TANC1: variants seen among roughly 807,000 people sequenced by gnomAD.
TANC1 encodes protein TANC1.
Under a neutral mutation model 149.7 loss-of-function variants are expected in TANC1, and 77 were observed. That is an observed-to-expected ratio of 0.51 (90% CI 0.43 to 0.62). The LOEUF (loss-of-function observed/expected upper bound fraction) is 0.62. Ranked by LOEUF, TANC1 falls within the 20% of genes least tolerant of loss-of-function variation. TANC1 has a pLI of 0.00. For synonymous variants in TANC1, 854 were observed against 925.0 expected, an observed-to-expected ratio of 0.92 and a Z score of 1.39; for missense variants, 1,985 against 2,321.8, an observed-to-expected ratio of 0.85 and a Z score of 2.98.
At chr2:158,998,178 C>G (rs950053534) in intron 1 of TANC1, among the ~76,000 whole-genome samples, 1 of 151,376 alleles carries the variant, frequency 6.6e-6, no homozygotes, top group Non-Finnish European at 1.5e-5. Flanking sequence ...GTGGGCACAT[C>G]GAGGTTCCAG....
At chr2:159,119,935 A>G (rs939911923) in intron 4 of TANC1, among the ~76,000 whole-genome samples, 2 of 152,228 alleles carry the variant, frequency 1.3e-5, no homozygotes, top group Non-Finnish European at 2.9e-5. Flanking sequence ...GAGCTCATCA[A>G]CAATGAGGTC....
chr2:159,229,215 A>G (rs1008179657), intron 26 of TANC1, among the ~76,000 whole-genome samples: 2 of 152,154 alleles, frequency 1.3e-5, no homozygotes, highest in Non-Finnish European at 2.9e-5. Flanking sequence ...GACATTAGGA[A>G]GTTCAGAGGT....
At position 159,097,431 on chromosome 2, in the gene TANC1, C is replaced by A. The variant is rs948040197; in HGVS notation, c.62-206C>A. Among the ~76,000 whole-genome samples the A allele has an allele frequency of 1.2e-4, 19 of 152,238 alleles. 1 individual carries two copies. Among genetic ancestry groups the A allele is most frequent in the South Asian group, 1.0e-3 (5 of 4,820 alleles). On this transcript the variant is annotated intron_variant, in intron 3 of 26. Coordinates refer to ENST00000263635, the MANE Select transcript of TANC1 (RefSeq NM_033394.3). Reference sequence around the variant, plus strand: ...TCAGTTAGGGTAGTGCAGAAAGGCACATGGAGCAGAGTTCACTGATGCTTG... The same window carrying A: ...TCAGTTAGGGTAGTGCAGAAAGGCAAATGGAGCAGAGTTCACTGATGCTTG...
At chr2:159,043,445 GT>G (rs1209856907) in intron 2 of TANC1, among the ~76,000 whole-genome samples, 3 of 152,082 alleles carry the variant, frequency 2.0e-5, no homozygotes, top group Non-Finnish European at 2.9e-5. Flanking sequence ...GGTATTCAAG[GT>G]ATGCTATTCT....
At chr2:159,019,552 C>G (rs2038606381) in intron 2 of TANC1, among the ~76,000 whole-genome samples, 1 of 151,852 alleles carries the variant, frequency 6.6e-6, no homozygotes, top group Non-Finnish European at 1.5e-5. Flanking sequence ...TTATCCAGAC[C>G]CCTCAGCAGT....
At chr2:159,197,391 A>C (rs1455449593) in intron 18 of TANC1, among the ~76,000 whole-genome samples, 2 of 152,208 alleles carry the variant, frequency 1.3e-5, no homozygotes, top group Non-Finnish European at 2.9e-5. Context: ...CTGTGAATTT[A>C]ATAATGTTTT....
rs560135825 is a variant in TANC1 at position 159,219,372 on chromosome 2, G to C, written c.3502+11G>C. 6.3e-7 allele frequency: 1 copy of C among 1,585,506 alleles called. No homozygotes were observed. The highest frequency in any genetic ancestry group is 1.7e-5 in the Admixed American group (1 of 57,900). Reference sequence around the variant, plus strand: ...TCCTCCTTTCAAAAGGTAGCAGCGTGATGCCCTCAAAGGTTTCTTTTGGAC... The same window carrying C: ...TCCTCCTTTCAAAAGGTAGCAGCGTCATGCCCTCAAAGGTTTCTTTTGGAC... On this transcript the variant is annotated intron_variant, in intron 21 of 26. Transcript: ENST00000263635.
intron 1 of TANC1, among the ~76,000 whole-genome samples, chr2:158,971,539 T>C (rs1482392167): frequency 6.6e-6 from 1 of 152,230 alleles, no homozygotes; most frequent in Non-Finnish European, 1.5e-5. Context: ...GTCTCTTAAA[T>C]GCATATTTCA....
At chr2:159,152,822 T>A (rs2052997806) in intron 7 of TANC1, among the ~76,000 whole-genome samples, 2 of 152,208 alleles carry the variant, frequency 1.3e-5, no homozygotes, top group South Asian at 4.1e-4. Context: ...TTCGTTTATT[T>A]CTCTTTCTCT....
chr2:159,053,654 A>AG (rs2041635018), intron 2 of TANC1, among the ~76,000 whole-genome samples: 1 of 152,254 alleles, frequency 6.6e-6, no homozygotes, highest in South Asian at 2.1e-4. Flanking sequence ...CCGTGTAACA[A>AG]GCTTTATACA....
chr2:158,983,541 T>C (rs937121323), intron 1 of TANC1, among the ~76,000 whole-genome samples: 19 of 150,998 alleles, frequency 1.3e-4, no homozygotes, highest in Non-Finnish European at 2.1e-4. Context: ...AAAATATTGC[T>C]AACAAACTCT....
chr2:159,230,769 A>G lies in TANC1; in HGVS notation c.5343A>G (p.Gln1781=). ...SLMQVGGYNN[Q]AKTCSVSTLS... is the part of the protein sequence containing the mutation. ...TGCAAGTGGGAGGATATAATAACCA[A>G]GCCAAAACCTGTTCTGTTTCTACCC... The change falls in exon 27 of 27, where the codon CAA becomes CAG. Residue 1781 remains glutamine (Q), a synonymous_variant. Coordinates refer to ENST00000263635, the MANE Select transcript of TANC1 (RefSeq NM_033394.3). The surrounding 1 kb of genome is among the most constrained non-coding windows in gnomAD (Gnocchi z 4.4). The G allele has an allele frequency of 6.2e-7, 1 of 1,614,234 alleles. No individual in the cohort carries two copies. The highest frequency in any genetic ancestry group is 1.1e-5 in the South Asian group (1 of 91,084).
chr2:159,230,653 A>T lies in TANC1; in HGVS notation c.5227A>T (p.Ser1743Cys), dbSNP rs373480339. ...ACAGCAGAGCAATCCTCCAAGCCGC[A>T]GCTGGCACTGTCCGGCACCAGAGGG... ...FQQQSNPPSR[S>C]WHCPAPEGLL... The change falls in exon 27 of 27, where the codon AGC becomes TGC. Residue 1743 changes from serine (S) to cysteine (C), a missense_variant. Ser to Cys is a moderately radical substitution (Grantham distance 112, BLOSUM62 -1). Transcript: ENST00000263635. This position sits in a 1 kb window ranked among gnomAD's most constrained non-coding sequence, Gnocchi z 4.4. The T allele has an allele frequency of 5.0e-6, 8 of 1,614,088 alleles. No homozygotes were observed. The African/African-American group carries it at 1.1e-4, about 22-fold the overall frequency.
chr2:159,135,139 C>G (rs1306320946), intron 4 of TANC1, among the ~76,000 whole-genome samples: 2 of 152,206 alleles, frequency 1.3e-5, no homozygotes, highest in Admixed American at 6.5e-5. Context: ...CCCCTGGCAA[C>G]CATTTATACT....
At chr2:159,112,286 G>A (rs2047804863) in intron 4 of TANC1, among the ~76,000 whole-genome samples, 1 of 152,088 alleles carries the variant, frequency 6.6e-6, no homozygotes, top group African/African-American at 2.4e-5. Context: ...TCACTCTGCT[G>A]CCCAGGCTGG....
intron 2 of TANC1, among the ~76,000 whole-genome samples, chr2:159,034,533 G>C (rs907342669): frequency 1.2e-4 from 19 of 152,200 alleles, no homozygotes; most frequent in Admixed American, 5.9e-4. Flanking sequence ...AGCTACCTAG[G>C]AGATTCTCAT....
chr2:159,173,008 G>A (rs1280997986), intron 11 of TANC1, among the ~76,000 whole-genome samples: 1 of 152,102 alleles, frequency 6.6e-6, no homozygotes, highest in East Asian at 1.9e-4. Flanking sequence ...CTGCTTTCCG[G>A]ATGATGACTG....
At chr2:159,019,425 T>G (rs1381979970) in intron 2 of TANC1, among the ~76,000 whole-genome samples, 1 of 152,170 alleles carries the variant, frequency 6.6e-6, no homozygotes, top group Admixed American at 6.5e-5. Context: ...CCTCCTGCTT[T>G]CTAAGTGTTG....
chr2:159,023,709 G>A (rs1457567647), intron 2 of TANC1, among the ~76,000 whole-genome samples: 1 of 152,070 alleles, frequency 6.6e-6, no homozygotes, highest in East Asian at 1.9e-4. Flanking sequence ...GCTCACGCCT[G>A]TAATCCCAGC....
Sources: allele counts gnomAD v4.1 joint callset (sites outside exome capture counted in the v4.1 genomes callset), GRCh38; gene constraint gnomAD v4.1.1; non-coding constraint Gnocchi (gnomAD v3.1); transcripts MANE v1.5; gene names NCBI Gene and HGNC (gene_info 2026-07-23, HGNC 2026-07-21).